LCN1: variants seen among roughly 807,000 people sequenced by gnomAD.
LCN1 encodes lipocalin-1.
In LCN1, 25 loss-of-function variants were observed where a neutral mutation model predicts 22.3. The observed-to-expected ratio is 1.12, with a 90% CI of 0.82 to 1.56. The LOEUF (loss-of-function observed/expected upper bound fraction) is 1.56. Among genes scored for constraint, LCN1 ranks in the 40% most tolerant of loss-of-function variants. LCN1 has a pLI of 0.00. For synonymous variants in LCN1, 85 were observed against 97.6 expected, an observed-to-expected ratio of 0.87 and a Z score of 0.76; for missense variants, 219 against 235.6, an observed-to-expected ratio of 0.93 and a Z score of 0.46.
rs1390717000 is a variant in LCN1, at chr9:135,524,140, T to C, written c.403+150T>C. ...AGGATGAGTTTTCCTGATAAAGGCC[T>C]CAATTCCCACCCCTGGAGTTCAGGA... On this transcript the variant is annotated intron_variant, in intron 4 of 6. Transcript: ENST00000371781. The C allele has an allele frequency of 1.1e-5, 7 of 643,888 alleles. No homozygotes were observed. In the East Asian group the frequency reaches 2.0e-4, roughly 18 times the overall value. The allele number at this position is 643,888 out of a possible 1,614,324, so 39.9% of individuals were successfully genotyped here. A position where few individuals can be genotyped will look rare whatever the true frequency, so the allele number is the denominator to read the frequency against.
chr9:135,524,993 A>G (rs2118957520), intron 5 of LCN1, 62 bp downstream of exon 5: 5 of 1,557,708 alleles, frequency 3.2e-6, no homozygotes, highest in Non-Finnish European at 3.5e-6. Flanking sequence ...GCAGAGCTGC[A>G]TTGCACGGGC....
intron 1 of LCN1, among the ~76,000 whole-genome samples, 191 bp from the exon 2 acceptor site, chr9:135,521,856 G>A (rs904981802): frequency 2.6e-5 from 4 of 152,224 alleles, no homozygotes; most frequent in African/African-American, 7.2e-5. Context: ...GGTCCTGGCT[G>A]GCTTGTGGGG....
At chr9:135,521,651 AC>A in intron 1 of LCN1, 64 bp downstream of exon 1, 1 of 1,356,898 alleles carries the variant, frequency 7.4e-7, no homozygotes, top group Non-Finnish European at 1.0e-6. Flanking sequence ...CTGGATGGAG[AC>A]CCCATGCCTC....
intron 4 of LCN1, among the ~76,000 whole-genome samples, chr9:135,524,567 C>T (rs1282273461): frequency 6.6e-6 from 1 of 152,284 alleles, no homozygotes; most frequent in South Asian, 2.1e-4. Flanking sequence ...GTGGGCCTGT[C>T]GTGCCGTCCA....
Position 135,524,948 on chromosome 9 carries a change from T to C in LCN1, c.505+17T>C, listed in dbSNP as rs1053387246. The C allele has an allele frequency of 7.5e-6, 12 of 1,600,088 alleles. No homozygotes were observed. The African/African-American group carries it at 1.5e-4, about 20-fold the overall frequency. On this transcript the variant is annotated intron_variant, in intron 5 of 6. Transcript: ENST00000371781. ...GGCAGAGCGGTAGGAGGCATGGCCC[T>C]GCAGAGCCCCCCATGTCCCCGCGTG...
At chr9:135,524,998 A>T in intron 5 of LCN1, 67 bp downstream of exon 5, 1 of 1,555,196 alleles carries the variant, frequency 6.4e-7, no homozygotes, top group Admixed American at 1.7e-5. Flanking sequence ...GCTGCATTGC[A>T]CGGGCGCATA....
intron 6 of LCN1, 98 bp downstream of exon 6, chr9:135,525,256 T>C: frequency 8.2e-7 from 1 of 1,215,336 alleles, no homozygotes; most frequent in Non-Finnish European, 1.2e-6. Flanking sequence ...ATCCCACTCC[T>C]ACCTGGGTGG....
intron 6 of LCN1, 50 bp from the exon 7 acceptor site, chr9:135,526,294 C>T: frequency 2.4e-6 from 2 of 836,514 alleles, no homozygotes; most frequent in South Asian, 1.9e-5. Context: ...CATTGCATCC[C>T]CCTCCCACCC....
chr9:135,524,689 A>T, intron 4 of LCN1, 141 bp from the exon 5 acceptor site: 1 of 654,028 alleles, frequency 1.5e-6, no homozygotes, highest in Non-Finnish European at 2.6e-6. Flanking sequence ...CCACTTTGCC[A>T]GCCTGAGGGC....
At chr9:135,522,665 C>T (rs1831529401) in intron 2 of LCN1, among the ~76,000 whole-genome samples, 1 of 152,190 alleles carries the variant, frequency 6.6e-6, no homozygotes, top group South Asian at 2.1e-4. Context: ...CCGCGTGGCT[C>T]ACATCTGTGA....
intron 4 of LCN1, among the ~76,000 whole-genome samples, chr9:135,524,325 C>T (rs1363825525): frequency 2.6e-5 from 4 of 152,202 alleles, no homozygotes; most frequent in Admixed American, 2.6e-4. Flanking sequence ...GTGGGGTGTC[C>T]AGCAGGAGAG....
intron 4 of LCN1, 59 bp downstream of exon 4, chr9:135,524,049 G>A (rs924442043): frequency 2.9e-5 from 38 of 1,290,794 alleles, no homozygotes; most frequent in Admixed American, 1.2e-4. Flanking sequence ...CTCCTCCCTC[G>A]GCCTCCTGCA....
chr9:135,526,285 A>C (rs2118962387), intron 6 of LCN1, 59 bp from the exon 7 acceptor site: 60 of 269,754 alleles, frequency 2.2e-4, no homozygotes, highest in Non-Finnish European at 3.1e-4. Context: ...GCGCCCCCAC[A>C]TTGCATCCCC....
chr9:135,521,948 C>T, intron 1 of LCN1, 99 bp from the exon 2 acceptor site: 1 of 1,510,786 alleles, frequency 6.6e-7, no homozygotes, highest in Non-Finnish European at 8.9e-7. Context: ...TCCCCGTTTC[C>T]AGCCCTCGGG....
intron 6 of LCN1, among the ~76,000 whole-genome samples, chr9:135,525,384 G>A (rs140311484): frequency 3.0e-3 from 459 of 152,200 alleles, no homozygotes; most frequent in African/African-American, 0.01. Flanking sequence ...AGCCCACAGC[G>A]CTGAGCCCGC....
At chr9:135,524,758 C>A in intron 4 of LCN1, 72 bp from the exon 5 acceptor site, 1 of 1,240,950 alleles carries the variant, frequency 8.1e-7, no homozygotes, top group South Asian at 1.4e-5. Flanking sequence ...CAGCTCAGGC[C>A]TCCAGACTGG....
chr9:135,522,195 G>A lies in LCN1; in HGVS notation c.221+18G>A, dbSNP rs367936646. ...ACCATGCTGTGAGTGTCTGCCAGCCGGCCGGGCAGCCTGCAACCTGGTCTA... is the reference window on the plus strand; with the variant it reads ...ACCATGCTGTGAGTGTCTGCCAGCCAGCCGGGCAGCCTGCAACCTGGTCTA... On this transcript the variant is annotated intron_variant, in intron 2 of 6. Coordinates refer to ENST00000371781, the MANE Select transcript of LCN1 (RefSeq NM_002297.4). 2.2e-4 allele frequency: 351 copies of A among 1,604,040 alleles called. 1 individual carries two copies. In the Middle Eastern group the frequency reaches 3.0e-3, roughly 13 times the overall value.
Position 135,524,776 on chromosome 9 carries a change from T to G in LCN1, c.404-54T>G, listed in dbSNP as rs868608434. ...CTCAGGCCTCCAGACTGGGATGGGG[T>G]GCCGTCGGCCCAGTGCTGCCTCGAG... On this transcript the variant is annotated intron_variant, in intron 4 of 6. Transcript: ENST00000371781. 28 of 1,391,060 alleles carry G rather than the reference T, an allele frequency of 2.0e-5. No homozygotes were observed. In the African/African-American group the frequency reaches 2.2e-4, roughly 11 times the overall value. 86.2% of individuals were successfully genotyped at this position (1,391,060 alleles called of 1,614,324 possible).
At chr9:135,522,510 C>T (rs546079542) in intron 2 of LCN1, among the ~76,000 whole-genome samples, 12 of 152,360 alleles carry the variant, frequency 7.9e-5, no homozygotes, top group African/African-American at 2.6e-4. Context: ...CCAGTCCTGG[C>T]AGTAAATTTC....
Sources: gnomAD v4.1 joint callset for allele counts (sites outside exome capture counted in the v4.1 genomes callset) on GRCh38, gnomAD v4.1.1 for gene constraint, MANE v1.5 for transcripts, NCBI Gene and HGNC (gene_info 2026-07-23, HGNC 2026-07-21) for gene names.